The following ZMIZ1 variants were observed in gnomAD, a reference collection of about 807,000 sequenced individuals.
ZMIZ1 encodes the protein zinc finger MIZ domain-containing protein 1.
A neutral mutation model predicts 113.9 loss-of-function variants in ZMIZ1; 17 were observed. That is an observed-to-expected ratio of 0.15 (90% CI 0.10 to 0.22). The LOEUF (loss-of-function observed/expected upper bound fraction) is 0.22, where lower values mean the gene tolerates loss of function less well. Ranked by LOEUF, ZMIZ1 falls within the 10% of genes least tolerant of loss-of-function variation. The pLI is 1.00. For synonymous variants in ZMIZ1, 607 were observed against 603.1 expected (o/e 1.01, Z -0.09); for missense variants, 1,059 against 1,477.8 (o/e 0.72, Z 4.65).
chr10:79,235,564 C>T (rs139669576), intron 7 of ZMIZ1, among the ~76,000 whole-genome samples: 12 of 152,364 alleles, frequency 7.9e-5, no homozygotes, highest in East Asian at 7.7e-4. Context: ...TACTCCCTGG[C>T]AGCCCTGACT....
intron 8 of ZMIZ1, among the ~76,000 whole-genome samples, chr10:79,284,340 A>G (rs1852924315): frequency 1.3e-5 from 2 of 152,230 alleles, no homozygotes; most frequent in Admixed American, 6.5e-5. Flanking sequence ...TAAAGGGAGT[A>G]TGCAGGCTGG....
At chr10:79,285,450 T>C (rs1250569) in intron 8 of ZMIZ1, 213,692 of 455,598 alleles carry the variant, frequency 0.47, 52,485 homozygotes, top group African/African-American at 0.67. Context: ...CCCCATTTCA[T>C]AGATGAGGTT....
At chr10:79,257,304 C>T (rs941022181) in intron 7 of ZMIZ1, among the ~76,000 whole-genome samples, 2 of 152,248 alleles carry the variant, frequency 1.3e-5, no homozygotes, top group African/African-American at 2.4e-5. Flanking sequence ...TGCTAATACA[C>T]CCTGGAAGGC....
rs1160814515 is a variant in ZMIZ1 at position 79,292,188 on chromosome 10, C to T, written c.789C>T (p.Gly263=). 3 of 1,611,358 alleles carry T rather than the reference C, an allele frequency of 1.9e-6. No individual in the cohort carries two copies. Among genetic ancestry groups the T allele is most frequent in the African/African-American group, 2.7e-5 (2 of 74,866 alleles). Residue 263 remains glycine, a synonymous_variant, in exon 11 of 25, where the codon GGC becomes GGT. Transcript: ENST00000334512. The part of the protein sequence containing the change: ...SYPGGPNAPA[G]MGIPPHTRPP... Reference sequence around the variant, plus strand: ...CTGGGGGTCCTAACGCCCCCGCAGGCATGGGCATCCCTCCGCACACCAGGC... The same window carrying T: ...CTGGGGGTCCTAACGCCCCCGCAGGTATGGGCATCCCTCCGCACACCAGGC...
At chr10:79,111,856 G>A (rs1843754614) in intron 1 of ZMIZ1, among the ~76,000 whole-genome samples, 2 of 152,360 alleles carry the variant, frequency 1.3e-5, no homozygotes, top group East Asian at 3.9e-4. Context: ...GGGGCTATAG[G>A]CTGGGAGCTG....
intron 5 of ZMIZ1, among the ~76,000 whole-genome samples, chr10:79,207,536 C>T (rs924801301): frequency 7.2e-5 from 11 of 152,138 alleles, no homozygotes; most frequent in African/African-American, 2.6e-4. Context: ...GCCCTGCAGC[C>T]TGGGCCTGAA....
chr10:79,189,116 G>A (rs1026413163), intron 4 of ZMIZ1, among the ~76,000 whole-genome samples: 4 of 152,160 alleles, frequency 2.6e-5, no homozygotes, highest in Non-Finnish European at 4.4e-5. Flanking sequence ...TCACTTGTCC[G>A]AAAGCTCCTT....
intron 1 of ZMIZ1, among the ~76,000 whole-genome samples, chr10:79,089,350 C>A (rs1242322686): frequency 1.3e-5 from 2 of 152,260 alleles, no homozygotes; most frequent in Non-Finnish European, 2.9e-5. Flanking sequence ...AGAGTGGCAT[C>A]AACAACACGA....
chr10:79,219,462 C>T (rs1848873325), intron 7 of ZMIZ1, among the ~76,000 whole-genome samples: 1 of 152,206 alleles, frequency 6.6e-6, no homozygotes, highest in African/African-American at 2.4e-5. Flanking sequence ...AGGCTGGAAC[C>T]TGAACTAGCC....
At chr10:79,194,994 T>A (rs533634807) in intron 4 of ZMIZ1, among the ~76,000 whole-genome samples, 1 of 152,248 alleles carries the variant, frequency 6.6e-6, no homozygotes, top group Non-Finnish European at 1.5e-5. Flanking sequence ...AAGCGTAAGG[T>A]GCAAGAAGAA....
intron 1 of ZMIZ1, among the ~76,000 whole-genome samples, chr10:79,092,884 A>G (rs535186957): frequency 6.6e-6 from 1 of 151,796 alleles, no homozygotes; most frequent in Non-Finnish European, 1.5e-5. Context: ...TTTGGAACAG[A>G]TTTTGATTTT....
In ZMIZ1 at chr10:79,314,084, A is replaced by G. The variant is rs1172528093; in HGVS notation, c.*1335A>G. The G allele has an allele frequency of 2.2e-6, 1 of 456,870 alleles. No individual in the cohort carries two copies. Among genetic ancestry groups the G allele is most frequent in the Non-Finnish European group, 4.4e-6 (1 of 226,966 alleles). The allele number at this position is 456,870 out of a possible 1,614,324, so 28.3% of individuals were successfully genotyped here. ...CAGCCTACCCTGCCTGCACTCCTCC[A>G]CCATCACAATCTCACCCAAACTCCT... On this transcript the variant is annotated 3_prime_UTR_variant, in exon 25 of 25. Transcript: ENST00000334512.
At chr10:79,147,199 G>C (rs1455089083) in intron 3 of ZMIZ1, among the ~76,000 whole-genome samples, 2 of 152,154 alleles carry the variant, frequency 1.3e-5, no homozygotes, top group Non-Finnish European at 2.9e-5. Context: ...GTATGGGGAG[G>C]CCTGGGCTGG....
chr10:79,098,462 G>C (rs1289039405), intron 1 of ZMIZ1, among the ~76,000 whole-genome samples: 1 of 152,226 alleles, frequency 6.6e-6, no homozygotes, highest in African/African-American at 2.4e-5. Context: ...CTGTAAAATG[G>C]AGGTGGTGAT....
chr10:79,119,766 G>A (rs1164045763), intron 2 of ZMIZ1, among the ~76,000 whole-genome samples: 2 of 152,192 alleles, frequency 1.3e-5, no homozygotes, highest in Non-Finnish European at 2.9e-5. Flanking sequence ...GTGATGTGAT[G>A]TGGCAGGGAC....
At chr10:79,304,268 A>G (rs1167089670) in intron 19 of ZMIZ1, 93 bp downstream of exon 19, 2 of 1,483,838 alleles carry the variant, frequency 1.3e-6, no homozygotes, top group Non-Finnish European at 1.8e-6. Context: ...AGCCTGTCCT[A>G]ACACTGTCCT....
At chr10:79,303,751 G>C (rs1854496437) in intron 18 of ZMIZ1, among the ~76,000 whole-genome samples, 1 of 152,224 alleles carries the variant, frequency 6.6e-6, no homozygotes, top group Non-Finnish European at 1.5e-5. Flanking sequence ...GGCAGGGCCT[G>C]CTCTGCAGAG....
chr10:79,183,214 G>A lies in ZMIZ1; in HGVS notation c.-49-18370G>A, dbSNP rs79222436. ...CTGGTGGGGAGGCCTGCCTGTTCTT[G>A]GGAATTCACGACGTGTCTGCCTGTC... On this transcript the variant is annotated intron_variant, in intron 4 of 24. Transcript: ENST00000334512. 8.6e-4 allele frequency among the ~76,000 whole-genome samples: 131 copies of A among 152,346 alleles called. 2 individuals carry two copies. The East Asian group carries it at 0.024, about 28-fold the overall frequency.
intron 1 of ZMIZ1, among the ~76,000 whole-genome samples, chr10:79,078,231 C>T (rs535170637): frequency 1.3e-4 from 20 of 152,210 alleles, no homozygotes; most frequent in African/African-American, 4.3e-4. Flanking sequence ...TTTTTGGACT[C>T]TTCTCGTGTG....
Sources: allele counts gnomAD v4.1 joint callset (sites outside exome capture counted in the v4.1 genomes callset), GRCh38; gene constraint gnomAD v4.1.1; transcripts MANE v1.5; gene names NCBI Gene and HGNC (gene_info 2026-07-23, HGNC 2026-07-21).